The following DIP2C variants were observed in gnomAD, a reference collection of about 807,000 sequenced individuals.
DIP2C encodes the protein disco-interacting protein 2 homolog C.
Under a neutral mutation model 192.4 loss-of-function variants are expected in DIP2C, and 33 were observed. The observed-to-expected ratio is 0.17, with a 90% CI of 0.13 to 0.23. The LOEUF (loss-of-function observed/expected upper bound fraction) is 0.23, where lower values mean the gene tolerates loss of function less well. DIP2C is among the 10% of genes least tolerant of loss of function. DIP2C has a pLI of 1.00. For synonymous variants in DIP2C, 979 were observed against 864.1 expected, an observed-to-expected ratio of 1.13 and a Z score of -2.33; for missense variants, 1,537 against 2,110.1, an observed-to-expected ratio of 0.73 and a Z score of 5.32.
intron 31 of DIP2C, among the ~76,000 whole-genome samples, chr10:318,867 G>C (rs1190327511): frequency 6.6e-6 from 1 of 151,614 alleles, no homozygotes; most frequent in Non-Finnish European, 1.5e-5. Context: ...TATTTATTTT[G>C]AGAATTAAGA....
chr10:390,928 C>T, intron 10 of DIP2C, 65 bp from the exon 11 acceptor site: 1 of 1,587,134 alleles, frequency 6.3e-7, no homozygotes. Flanking sequence ...GCCTTCGGCC[C>T]TCCCTCCAGC....
chr10:605,776 C>A (rs949864222), intron 1 of DIP2C, among the ~76,000 whole-genome samples: 1 of 152,226 alleles, frequency 6.6e-6, no homozygotes, highest in Admixed American at 6.5e-5. Context: ...CTTCTCAGGG[C>A]TATGATACTC....
intron 1 of DIP2C, among the ~76,000 whole-genome samples, chr10:488,726 A>G (rs1239169613): frequency 6.6e-6 from 1 of 152,140 alleles, no homozygotes; most frequent in African/African-American, 2.4e-5. Flanking sequence ...CTGGGTACCC[A>G]CGGCATAAAT....
At chr10:508,673 C>CCA (rs778538292) in intron 1 of DIP2C, among the ~76,000 whole-genome samples, 59 of 152,240 alleles carry the variant, frequency 3.9e-4, no homozygotes, top group Non-Finnish European at 7.5e-4. Flanking sequence ...AAAGCTGGCC[C>CCA]CACGTATTTT....
rs1843388292 is a variant in DIP2C, at chr10:478,981, G to A, written c.158-6432C>T. Among the ~76,000 whole-genome samples the A allele has an allele frequency of 3.9e-5, 6 of 152,262 alleles. No homozygotes were observed. The South Asian group carries it at 1.2e-3, about 32-fold the overall frequency. Reference sequence around the variant, plus strand: ...CCCAGCACCCAGGGGCAAGCGCTCTGGGCTCCACAGAGGCCTCCACAGGAG... The same window carrying A: ...CCCAGCACCCAGGGGCAAGCGCTCTAGGCTCCACAGAGGCCTCCACAGGAG... On this transcript the variant is annotated intron_variant, in intron 2 of 36. Coordinates refer to ENST00000280886, the MANE Select transcript of DIP2C (RefSeq NM_014974.3).
chr10:638,500 T>C (rs1018459998), intron 1 of DIP2C, among the ~76,000 whole-genome samples: 7 of 152,194 alleles, frequency 4.6e-5, no homozygotes, highest in Admixed American at 2.6e-4. Context: ...AATTCAACTG[T>C]GCATGGCAAT....
In DIP2C at chr10:588,972, C is replaced by T. The variant is rs558970954; in HGVS notation, c.85+100522G>A. Among the ~76,000 whole-genome samples, 117 of 152,324 alleles carry T rather than the reference C, an allele frequency of 7.7e-4. 1 individual carries two copies. Among genetic ancestry groups the T allele is most frequent in the South Asian group, 6.8e-3 (33 of 4,818 alleles). On this transcript the variant is annotated intron_variant, in intron 1 of 36. Coordinates refer to ENST00000280886, the MANE Select transcript of DIP2C (RefSeq NM_014974.3). Reference sequence around the variant, plus strand: ...GAACCGCAGCATCACACAGGAGTCCCGGCTGCCTCTGTCCTCACCACCACC... The same window carrying T: ...GAACCGCAGCATCACACAGGAGTCCTGGCTGCCTCTGTCCTCACCACCACC...
intron 4 of DIP2C, among the ~76,000 whole-genome samples, chr10:440,464 T>C (rs1004068760): frequency 5.9e-5 from 9 of 152,248 alleles, no homozygotes; most frequent in African/African-American, 2.2e-4. Flanking sequence ...TTGTCCAATT[T>C]GCTTGTTCTA....
At chr10:430,243 A>G (rs1966844705) in intron 4 of DIP2C, 7 of 152,218 alleles carry the variant, frequency 4.6e-5, no homozygotes, top group Admixed American at 4.6e-4. Flanking sequence ...TTTTTTAAAG[A>G]CAGGATCTCA....
intron 1 of DIP2C, among the ~76,000 whole-genome samples, chr10:486,929 A>C (rs1844059978): frequency 6.6e-6 from 1 of 152,264 alleles, no homozygotes; most frequent in Non-Finnish European, 1.5e-5. Flanking sequence ...ACCTATTGGC[A>C]TCTTCTTCAT....
chr10:431,440 G>A (rs1238801067), intron 4 of DIP2C, among the ~76,000 whole-genome samples: 1 of 152,096 alleles, frequency 6.6e-6, no homozygotes, highest in African/African-American at 2.4e-5. Context: ...AGTGCTACTG[G>A]AAATTTTTTT....
At chr10:356,946 C>T (rs141563782) in intron 23 of DIP2C, among the ~76,000 whole-genome samples, 10 of 152,132 alleles carry the variant, frequency 6.6e-5, no homozygotes, top group Admixed American at 2.6e-4. Flanking sequence ...TTTTAAAAAG[C>T]GGGATCTAAT....
intron 9 of DIP2C, among the ~76,000 whole-genome samples, chr10:407,102 C>T (rs547151034): frequency 2.3e-3 from 344 of 152,322 alleles, no homozygotes; most frequent in African/African-American, 7.7e-3. Context: ...ACTCCAGTCT[C>T]CCGCACAGCC....
chr10:505,433 T>TC (rs1159660954), intron 1 of DIP2C, among the ~76,000 whole-genome samples: 3 of 152,300 alleles, frequency 2.0e-5, no homozygotes, highest in Non-Finnish European at 4.4e-5. Flanking sequence ...TCTCAACCTT[T>TC]CCAATCTATT....
intron 4 of DIP2C, among the ~76,000 whole-genome samples, chr10:424,512 C>A (rs1966445559): frequency 6.6e-6 from 1 of 151,606 alleles, no homozygotes; most frequent in Non-Finnish European, 1.5e-5. Flanking sequence ...ATTACAGGCA[C>A]CTACCACTAT....
At chr10:525,992 C>T (rs917630834) in intron 1 of DIP2C, among the ~76,000 whole-genome samples, 17 of 152,224 alleles carry the variant, frequency 1.1e-4, no homozygotes, top group African/African-American at 3.9e-4. Context: ...GTGGAACCCC[C>T]GCACACCACC....
In DIP2C at chr10:354,322, C is replaced by T. The variant is rs79663594; in HGVS notation, c.2985+2104G>A. On this transcript the variant is annotated intron_variant, in intron 24 of 36. Coordinates refer to ENST00000280886, the MANE Select transcript of DIP2C (RefSeq NM_014974.3). ...ACATTTTCCCTGAAGATCCAGCATC[C>T]AGCTATGCAGGTGACCACAGGTGTT... is the stretch of plus-strand genomic sequence containing the variant. Among the ~76,000 whole-genome samples the T allele has an allele frequency of 4.1e-4, 63 of 152,280 alleles. 1 individual carries two copies. The East Asian group carries it at 0.012, about 28-fold the overall frequency.
At chr10:680,790 C>T (rs950136296) in intron 1 of DIP2C, among the ~76,000 whole-genome samples, 11 of 152,204 alleles carry the variant, frequency 7.2e-5, no homozygotes, top group South Asian at 2.1e-4. Context: ...CAAGAACTGC[C>T]GCTCTGTGTC....
chr10:399,232 C>T lies in DIP2C; in HGVS notation c.1150-13G>A, dbSNP rs1964219561. 1.2e-6 allele frequency: 2 copies of T among 1,611,922 alleles called. No homozygotes were observed. The highest frequency in any genetic ancestry group is 1.7e-6 in the Non-Finnish European group (2 of 1,178,294). On this transcript the variant is annotated splice_polypyrimidine_tract_variant and intron_variant, in intron 9 of 36. Coordinates refer to ENST00000280886, the MANE Select transcript of DIP2C (RefSeq NM_014974.3). ...ACACCAGTGCCACCTGTGGGACAGGCCAGAGCGGGTCAGCATTAACGTGGG... is the reference window on the plus strand; with the variant it reads ...ACACCAGTGCCACCTGTGGGACAGGTCAGAGCGGGTCAGCATTAACGTGGG...
Sources: allele counts gnomAD v4.1 joint callset (sites outside exome capture counted in the v4.1 genomes callset), GRCh38; gene constraint gnomAD v4.1.1; transcripts MANE v1.5; gene names NCBI Gene and HGNC (gene_info 2026-07-23, HGNC 2026-07-21).